The following FGD4 variants were observed in gnomAD, a reference collection of about 807,000 sequenced individuals.
FGD4 encodes the protein FYVE, RhoGEF and PH domain containing 4, also known as FYVE, RhoGEF and PH domain-containing protein 4.
FGD4 carries 42 observed loss-of-function variants against 102.0 expected under a neutral mutation model. The ratio of observed to expected loss-of-function variants is 0.41; its 90% CI spans 0.32 to 0.53. The LOEUF (loss-of-function observed/expected upper bound fraction) is 0.53. Among genes scored for constraint, FGD4 ranks in the 20% least tolerant of loss-of-function variants. The pLI, the probability that FGD4 is intolerant of heterozygous loss-of-function variation, is 0.21. For synonymous variants in FGD4, 380 were observed against 375.7 expected (o/e 1.01, Z -0.13); for missense variants, 902 against 1,078.2 (o/e 0.84, Z 2.29).
intron 15 of FGD4, among the ~76,000 whole-genome samples, chr12:32,635,513 A>C (rs955746003): frequency 3.3e-5 from 5 of 152,194 alleles, no homozygotes; most frequent in African/African-American, 1.2e-4. Context: ...TGCATATTCG[A>C]GACTGATTTT....
intron 4 of FGD4, among the ~76,000 whole-genome samples, chr12:32,592,312 A>G (rs1947550977): frequency 6.6e-6 from 1 of 151,896 alleles, no homozygotes; most frequent in African/African-American, 2.4e-5. Flanking sequence ...CTCTATTTAA[A>G]ATAAAGGGAT....
intron 3 of FGD4, among the ~76,000 whole-genome samples, chr12:32,578,330 T>C (rs1321290889): frequency 6.6e-6 from 1 of 152,228 alleles, no homozygotes; most frequent in Non-Finnish European, 1.5e-5. Context: ...ATTGGATCTA[T>C]AGGACTTAAG....
Position 32,478,384 on chromosome 12 carries a change from C to T in FGD4, c.166+78425C>T, listed in dbSNP as rs1352373742. 2.6e-5 allele frequency among the ~76,000 whole-genome samples: 4 copies of T among 152,122 alleles called. No homozygotes were observed. The South Asian group carries it at 6.2e-4, about 24-fold the overall frequency. Reference sequence around the variant, plus strand: ...GATTAAAGCAATTGTCACGCCTCATCGTCCTGAATAGCTGAAACTACAGTT... The same window carrying T: ...GATTAAAGCAATTGTCACGCCTCATTGTCCTGAATAGCTGAAACTACAGTT... On this transcript the variant is annotated intron_variant, in intron 1 of 16. Coordinates refer to ENST00000534526, the MANE Select transcript of FGD4 (RefSeq NM_001370298.3).
At chr12:32,452,103 A>G (rs1023104943) in intron 1 of FGD4, among the ~76,000 whole-genome samples, 1 of 152,244 alleles carries the variant, frequency 6.6e-6, no homozygotes, top group African/African-American at 2.4e-5. Context: ...CTGATTAAAA[A>G]GCATGCTGAC....
At chr12:32,487,752 C>G (rs1288184535) in intron 1 of FGD4, among the ~76,000 whole-genome samples, 4 of 152,148 alleles carry the variant, frequency 2.6e-5, no homozygotes, top group Non-Finnish European at 5.9e-5. Context: ...TTTATAGAAA[C>G]AAGATTTTCT....
At chr12:32,576,127 G>A (rs1325581701) in intron 2 of FGD4, 139 bp from the exon 3 acceptor site, 5 of 795,058 alleles carry the variant, frequency 6.3e-6, no homozygotes, top group Non-Finnish European at 9.8e-6. Context: ...TTTTGGTTAT[G>A]GTTTAGTTCA....
intron 11 of FGD4, 36 bp from the exon 12 acceptor site, chr12:32,624,386 A>G (rs1222292782): frequency 6.7e-7 from 1 of 1,492,504 alleles, no homozygotes; most frequent in Non-Finnish European, 9.3e-7. Context: ...AATCATTAAT[A>G]TTATTTACAT....
At position 32,399,606 on chromosome 12, in the gene FGD4, T is replaced by C; in HGVS notation, c.-188T>C. On this transcript the variant is annotated 5_prime_UTR_variant, in exon 1 of 17. Transcript: ENST00000534526. ...GCCGCAGGAGTCGCCGCAGCCAAAC[T>C]CGCCGCGACGCCGGGAGGGAGCGTA... The C allele has an allele frequency of 7.2e-7, 1 of 1,382,494 alleles. No individual in the cohort carries two copies. The highest frequency in any genetic ancestry group is 9.4e-7 in the Non-Finnish European group (1 of 1,069,244). The allele number at this position is 1,382,494 out of a possible 1,614,324, so 85.6% of individuals were successfully genotyped here.
At chr12:32,513,265 C>G (rs979489531) in intron 1 of FGD4, among the ~76,000 whole-genome samples, 2 of 152,100 alleles carry the variant, frequency 1.3e-5, no homozygotes, top group Non-Finnish European at 2.9e-5. Flanking sequence ...CACATAAAAG[C>G]TTGAAAACTG....
chr12:32,539,305 C>T (rs867863020), intron 1 of FGD4, among the ~76,000 whole-genome samples: 32 of 152,258 alleles, frequency 2.1e-4, no homozygotes, highest in Middle Eastern at 3.4e-3. Flanking sequence ...TGCGGTGGCT[C>T]ACATCCGTAA....
intron 1 of FGD4, among the ~76,000 whole-genome samples, chr12:32,496,526 G>A (rs555273373): frequency 6.6e-6 from 1 of 152,150 alleles, no homozygotes; most frequent in South Asian, 2.1e-4. Context: ...TGCTTTTATT[G>A]TCTGTGGAGT....
chr12:32,626,663 A>G (rs1468903018), intron 14 of FGD4, among the ~76,000 whole-genome samples: 1 of 152,110 alleles, frequency 6.6e-6, no homozygotes, highest in Non-Finnish European at 1.5e-5. Context: ...AGAAACAAGA[A>G]TAGATGGAAC....
Position 32,505,320 on chromosome 12 carries a change from G to A in FGD4, c.167-58817G>A, listed in dbSNP as rs996283225. On this transcript the variant is annotated intron_variant, in intron 1 of 16. Transcript: ENST00000534526. ...AGCACAATTTTGCATTGCTGTGTTA[G>A]ATATACATTTACAGGATGAGGAGCC... 2.6e-5 allele frequency among the ~76,000 whole-genome samples: 4 copies of A among 152,320 alleles called. No homozygotes were observed. In the South Asian group the frequency reaches 8.3e-4, roughly 32 times the overall value.
intron 1 of FGD4, among the ~76,000 whole-genome samples, chr12:32,560,007 G>A (rs1168088348): frequency 6.6e-6 from 1 of 151,996 alleles, no homozygotes; most frequent in African/African-American, 2.4e-5. Flanking sequence ...TGCACTGTTG[G>A]GGCCTGTACA....
intron 1 of FGD4, among the ~76,000 whole-genome samples, chr12:32,524,171 C>T (rs1592100891): frequency 1.3e-5 from 2 of 150,124 alleles, no homozygotes; most frequent in Admixed American, 1.3e-4. Flanking sequence ...CCGAGGCGGG[C>T]GAATCACGAG....
At chr12:32,475,678 G>A (rs192272079) in intron 1 of FGD4, among the ~76,000 whole-genome samples, 1 of 152,296 alleles carries the variant, frequency 6.6e-6, no homozygotes, top group East Asian at 1.9e-4. Flanking sequence ...TGAGTCTGAT[G>A]CATACGAAGT....
chr12:32,411,083 C>G (rs1182751538), intron 1 of FGD4, among the ~76,000 whole-genome samples: 1 of 151,284 alleles, frequency 6.6e-6, no homozygotes, highest in Non-Finnish European at 1.5e-5. Context: ...GGCGCGCCAC[C>G]ACGCCCGGCT....
intron 1 of FGD4, among the ~76,000 whole-genome samples, chr12:32,557,177 TG>T (rs1944188921): frequency 6.6e-6 from 1 of 152,258 alleles, no homozygotes; most frequent in African/African-American, 2.4e-5. Context: ...TAAAAGTCTC[TG>T]TGATATGTAT....
At chr12:32,597,588 A>G (rs1174242531) in intron 4 of FGD4, among the ~76,000 whole-genome samples, 1 of 152,214 alleles carries the variant, frequency 6.6e-6, no homozygotes, top group Non-Finnish European at 1.5e-5. Flanking sequence ...TATTGTATTG[A>G]ATACCAGTGT....
Sources: gnomAD v4.1 joint callset for allele counts (sites outside exome capture counted in the v4.1 genomes callset) on GRCh38, gnomAD v4.1.1 for gene constraint, MANE v1.5 for transcripts, NCBI Gene and HGNC (gene_info 2026-07-23, HGNC 2026-07-21) for gene names.